Variants in ABTB3 observed in about 807,000 individuals in gnomAD.
ABTB3 encodes the protein ankyrin repeat- and BTB/POZ domain-containing protein 3.
At chr12:107,522,633 G>A in the ABTB3 span, among the ~76,000 whole-genome samples, 1 of 150,824 alleles carries the variant, frequency 6.6e-6, no homozygotes, top group Non-Finnish European at 1.5e-5. Context: ...GCTCACTGAT[G>A]TAACCCCAGC....
chr12:107,420,368 C>T, the ABTB3 span, among the ~76,000 whole-genome samples: 11 of 152,010 alleles, frequency 7.2e-5, no homozygotes, highest in Admixed American at 4.6e-4. Flanking sequence ...TTTCACATGG[C>T]GGGGGAGGCC....
At chr12:107,477,672 G>A in the ABTB3 span, among the ~76,000 whole-genome samples, 263 of 152,130 alleles carry the variant, frequency 1.7e-3, 2 homozygotes, top group African/African-American at 5.9e-3. Context: ...GCACCAACAC[G>A]CATAAAACAG....
the ABTB3 span, among the ~76,000 whole-genome samples, chr12:107,452,576 C>T: frequency 3.3e-5 from 5 of 152,112 alleles, no homozygotes; most frequent in African/African-American, 4.8e-5. Context: ...TCAGGCCAGG[C>T]GCAGTGGCTC....
At chr12:107,499,857 T>C in the ABTB3 span, among the ~76,000 whole-genome samples, 1 of 152,050 alleles carries the variant, frequency 6.6e-6, no homozygotes, top group African/African-American at 2.4e-5. Context: ...AGCTAATTTT[T>C]ATATTTTTAG....
At chr12:107,415,395 G>A in the ABTB3 span, among the ~76,000 whole-genome samples, 11 of 152,094 alleles carry the variant, frequency 7.2e-5, no homozygotes, top group Admixed American at 2.0e-4. Flanking sequence ...GAAGAGCTGC[G>A]TTAACTACTT....
At chr12:107,437,434 T>C in the ABTB3 span, among the ~76,000 whole-genome samples, 1 of 151,152 alleles carries the variant, frequency 6.6e-6, no homozygotes, top group Non-Finnish European at 1.5e-5. Context: ...TCTCACTCTG[T>C]CACCCAGGCT....
the ABTB3 span, among the ~76,000 whole-genome samples, chr12:107,598,552 T>C: frequency 1.3e-5 from 2 of 152,220 alleles, no homozygotes; most frequent in African/African-American, 4.8e-5. Context: ...ATGGTTAAAA[T>C]TCATTGTCAC....
chr12:107,414,701 C>A, the ABTB3 span, among the ~76,000 whole-genome samples: 12 of 151,524 alleles, frequency 7.9e-5, no homozygotes, highest in Non-Finnish European at 1.6e-4. Flanking sequence ...ACCATCCCCC[C>A]CTTTCTTTTC....
the ABTB3 span, chr12:107,615,251 C>CTA: frequency 1.0e-6 from 1 of 988,702 alleles, no homozygotes; most frequent in South Asian, 1.5e-5. Flanking sequence ...TGCATATTCT[C>CTA]TAAGACATTC....
At chr12:107,357,452 T>C in the ABTB3 span, among the ~76,000 whole-genome samples, 2 of 151,874 alleles carry the variant, frequency 1.3e-5, no homozygotes, top group Non-Finnish European at 2.9e-5. Flanking sequence ...TACAAAACTT[T>C]TAAAAAAAAT....
At chr12:107,493,670 A>G in the ABTB3 span, among the ~76,000 whole-genome samples, 3 of 152,166 alleles carry the variant, frequency 2.0e-5, no homozygotes, top group Non-Finnish European at 2.9e-5. Context: ...TAGTGGATGG[A>G]ACTAGTGAAG....
At chr12:107,639,191 G>A in the ABTB3 span, among the ~76,000 whole-genome samples, 2 of 152,202 alleles carry the variant, frequency 1.3e-5, no homozygotes, top group Non-Finnish European at 2.9e-5. Flanking sequence ...TAGCACTCAT[G>A]GGGAACTGAG....
chr12:107,458,620 A>G, the ABTB3 span, among the ~76,000 whole-genome samples: 2 of 152,198 alleles, frequency 1.3e-5, no homozygotes, highest in Admixed American at 6.5e-5. Flanking sequence ...CAGAATGGCC[A>G]AGTGTCTTGC....
At chr12:107,433,795 A>C in the ABTB3 span, among the ~76,000 whole-genome samples, 798 of 152,340 alleles carry the variant, frequency 5.2e-3, 9 homozygotes, top group African/African-American at 0.017. Flanking sequence ...GCTATAACAA[A>C]GTACCATTGA....
At chr12:107,648,233 T>G in the ABTB3 span, among the ~76,000 whole-genome samples, 2 of 151,846 alleles carry the variant, frequency 1.3e-5, no homozygotes, top group African/African-American at 4.8e-5. Context: ...TACAAAAAAC[T>G]AGCCGGGCGT....
chr12:107,592,926 A>C, the ABTB3 span, among the ~76,000 whole-genome samples: 1 of 152,204 alleles, frequency 6.6e-6, no homozygotes, highest in Non-Finnish European at 1.5e-5. Flanking sequence ...ATTCATTAAC[A>C]ATAAAAGTTG....
chr12:107,596,738 G>A, the ABTB3 span, among the ~76,000 whole-genome samples: 1 of 152,086 alleles, frequency 6.6e-6, no homozygotes, highest in East Asian at 1.9e-4. Flanking sequence ...CAGGCCAAGA[G>A]CCTCTCCCTC....
At chr12:107,339,715 T>A in the ABTB3 span, among the ~76,000 whole-genome samples, 1 of 151,948 alleles carries the variant, frequency 6.6e-6, no homozygotes. Context: ...ATGTTGCATG[T>A]GCATGTGCCT....
chr12:107,651,552 C>T, the ABTB3 span: 2 of 648,044 alleles, frequency 3.1e-6, no homozygotes, highest in Non-Finnish European at 5.6e-6. Context: ...ATTTCCCGTC[C>T]CCTACCTGTG....
Sources: allele counts gnomAD v4.1 joint callset (sites outside exome capture counted in the v4.1 genomes callset), GRCh38; gene constraint gnomAD v4.1.1; transcripts MANE v1.5; gene names NCBI Gene and HGNC (gene_info 2026-07-23, HGNC 2026-07-21).